ZFP64: variants seen among roughly 807,000 people sequenced by gnomAD.
ZFP64 encodes zinc finger protein 64.
In ZFP64, 14 loss-of-function variants were observed where a neutral mutation model predicts 51.6. The observed-to-expected ratio is 0.27, with a 90% confidence interval of 0.18 to 0.42. The LOEUF is 0.42. Ranked by LOEUF, ZFP64 falls within the 10% of genes least tolerant of loss-of-function variation. The pLI is 1.00. For synonymous variants in ZFP64, 375 were observed against 361.4 expected (o/e 1.04, Z -0.43); for missense variants, 754 against 906.8 (o/e 0.83, Z 2.16).
intron 5 of ZFP64, among the ~76,000 whole-genome samples, chr20:52,114,709 A>G (rs1045875015): frequency 2.0e-5 from 3 of 152,322 alleles, no homozygotes; most frequent in African/African-American, 7.2e-5. Flanking sequence ...ACGTTTTTAA[A>G]TATGTCCTGC....
chr20:52,094,837 C>T (rs184614903), intron 7 of ZFP64, among the ~76,000 whole-genome samples: 13 of 152,276 alleles, frequency 8.5e-5, no homozygotes, highest in Admixed American at 2.0e-4. Flanking sequence ...GTATTCCTAG[C>T]TTTCTGAGCT....
At chr20:52,104,299 C>A (rs1195633751) in intron 5 of ZFP64, among the ~76,000 whole-genome samples, 1 of 152,178 alleles carries the variant, frequency 6.6e-6, no homozygotes, top group African/African-American at 2.4e-5. Context: ...AGAAAAGGTC[C>A]CCTCCCGCAG....
At position 52,163,496 on chromosome 20, in the gene ZFP64, C is replaced by T. The variant is rs187207205; in HGVS notation, c.511+1199G>A. Among the ~76,000 whole-genome samples the T allele has an allele frequency of 2.6e-4, 39 of 152,274 alleles. 1 individual carries two copies. The highest frequency in any genetic ancestry group is 9.4e-4 in the African/African-American group (39 of 41,572). On this transcript the variant is annotated intron_variant, in intron 4 of 5. Coordinates refer to ENST00000216923, the MANE Select transcript of ZFP64 (RefSeq NM_018197.3). ...AGTTTAATTGCTTATTACACTAGAA[C>T]GCTTACCAATCAATACTTGAAACTT...
exon 9 of ZFP64, chr20:52,084,502 C>G: frequency 6.5e-7 from 1 of 1,529,064 alleles, no homozygotes; most frequent in Non-Finnish European, 8.8e-7. Flanking sequence ...CTCTGGAGGG[C>G]TGGGCAACAG....
rs144761017 is a variant in ZFP64 at position 52,160,552 on chromosome 20, T to A, written c.512-178A>T. The stretch of plus-strand genomic sequence containing the variant: ...AACATCTTGGGAGAGGGGAAGTTTC[T>A]TCCATGTTCCTTATTGGTATTACTT... On this transcript the variant is annotated intron_variant, in intron 4 of 5. Transcript: ENST00000216923. The surrounding 1 kb of genome is among the most constrained non-coding windows in gnomAD (Gnocchi z 4.2). Among the ~76,000 whole-genome samples, 474 of 152,332 alleles carry A rather than the reference T, an allele frequency of 3.1e-3. No homozygotes were observed. Among genetic ancestry groups the A allele is most frequent in the African/African-American group, 0.011 (444 of 41,568 alleles).
intron 5 of ZFP64, chr20:52,098,606 T>G: frequency 6.2e-7 from 1 of 1,613,902 alleles, no homozygotes; most frequent in Non-Finnish European, 8.5e-7. Context: ...GAGGCATAGT[T>G]TTGCTTAGTT....
In ZFP64 at chr20:52,190,143, C is replaced by G. The variant is rs1243386143; in HGVS notation, c.46+1448G>C. On this transcript the variant is annotated intron_variant, in intron 1 of 5. Transcript: ENST00000216923. ...GCCATCTTGCAGGGATACACTTAAG[C>G]ACTTTGCAATCAATGGATGGAAGGA... Among the ~76,000 whole-genome samples the G allele has an allele frequency of 7.9e-5, 12 of 152,276 alleles. No individual in the cohort carries two copies. The East Asian group carries it at 2.3e-3, about 29-fold the overall frequency.
intron 5 of ZFP64, chr20:52,110,729 C>A: frequency 6.3e-7 from 1 of 1,593,204 alleles, no homozygotes; most frequent in Non-Finnish European, 8.6e-7. Context: ...ACCTTAACTG[C>A]CCCAGTACAT....
intron 1 of ZFP64, 129 bp from the exon 2 acceptor site, chr20:52,187,200 C>T (rs950304635): frequency 1.2e-5 from 11 of 922,526 alleles, no homozygotes; most frequent in Non-Finnish European, 1.8e-5. Context: ...GTATCCACTC[C>T]ACCTTCCTCT....
rs1330852644 is a variant in ZFP64 at position 52,186,885 on chromosome 20, G to T, written c.233C>A (p.Thr78Asn). 2 of 1,613,634 alleles carry T rather than the reference G, an allele frequency of 1.2e-6. No individual in the cohort carries two copies. Among genetic ancestry groups the T allele is most frequent in the Admixed American group, 1.7e-5 (1 of 59,998 alleles). ...GGTTCTGGTGGTGGTCTGAGTCTGG[G>T]TGGCAGGCACTGTTTCCTCCGATAC... ...QFVSEETVPA[T>N]QTQTTTRTIT... Residue 78 changes from threonine to asparagine, a missense_variant, in exon 2 of 6, where the codon ACC becomes AAC. Thr to Asn is a moderately conservative substitution (Grantham distance 65). Around this residue, in one of 3 missense-constraint regions of ZFP64, gnomAD observed 231 missense variants for 336.7 expected, o/e 0.69. Transcript: ENST00000216923.
intron 5 of ZFP64, among the ~76,000 whole-genome samples, chr20:52,100,508 A>G (rs1219030008): frequency 1.3e-5 from 2 of 152,162 alleles, no homozygotes; most frequent in African/African-American, 4.8e-5. Flanking sequence ...AGCCTCCCAA[A>G]GTGCTGGGAC....
chr20:52,178,010 C>A (rs574692883), intron 2 of ZFP64, among the ~76,000 whole-genome samples: 4 of 145,838 alleles, frequency 2.7e-5, no homozygotes, highest in Admixed American at 2.1e-4. Flanking sequence ...CCAGCCTGGG[C>A]GCCAGAGCAA....
intron 5 of ZFP64, among the ~76,000 whole-genome samples, chr20:52,137,841 C>T (rs1395561205): frequency 2.6e-5 from 4 of 152,012 alleles, no homozygotes; most frequent in African/African-American, 9.7e-5. Context: ...TTACTTTTTA[C>T]ACAGCAGTAG....
In ZFP64 at chr20:52,085,163, G is replaced by A. The variant is rs376472510; in HGVS notation, c.1332C>T (p.Cys444=). The stretch of plus-strand genomic sequence containing the variant: ...TGGTGCAGCGGACGTCGCAGAACTC[G>A]CACTTGAAAGGCTTCTCCCCCGAGT... Residue 444 remains cysteine (C), a synonymous_variant, in exon 9 of 9, where the codon TGC becomes TGT. Coordinates refer to the ZFP64 transcript ENST00000361387. The surrounding 1 kb of genome is among the most constrained non-coding windows in gnomAD (Gnocchi z 4.3). 2.0e-4 allele frequency: 321 copies of A among 1,614,132 alleles called. 1 individual carries two copies. The highest frequency in any genetic ancestry group is 2.7e-4 in the Non-Finnish European group (315 of 1,180,058).
intron 4 of ZFP64, among the ~76,000 whole-genome samples, chr20:52,161,949 C>T (rs890594054): frequency 3.3e-5 from 5 of 152,182 alleles, no homozygotes; most frequent in African/African-American, 1.2e-4. Flanking sequence ...AAGCTGATCA[C>T]TGTCGTCATA....
At chr20:52,180,547 CAA>C (rs10669415) in intron 2 of ZFP64, among the ~76,000 whole-genome samples, 36 of 87,202 alleles carry the variant, frequency 4.1e-4, no homozygotes, top group Admixed American at 8.0e-4. Context: ...CCAGAAATGG[CAA>C]AAAAAAAAAA....
chr20:52,169,505 T>G (rs1348771685), intron 2 of ZFP64, among the ~76,000 whole-genome samples: 1 of 152,096 alleles, frequency 6.6e-6, no homozygotes, highest in Non-Finnish European at 1.5e-5. Flanking sequence ...GCTCGCGGGC[T>G]CCTCAGCACT....
chr20:52,158,180 AT>A (rs1981480624), intron 5 of ZFP64, among the ~76,000 whole-genome samples: 1 of 152,174 alleles, frequency 6.6e-6, no homozygotes, highest in South Asian at 2.1e-4. Flanking sequence ...TATGGTAATT[AT>A]TTTGGCTTTT....
chr20:52,136,240 C>T lies in ZFP64; in HGVS notation c.763+23883G>A, dbSNP rs183456982. 4.3e-3 allele frequency among the ~76,000 whole-genome samples: 647 copies of T among 151,788 alleles called. 5 individuals carry two copies. The highest frequency in any genetic ancestry group is 5.9e-3 in the Non-Finnish European group (401 of 67,986). On this transcript the variant is annotated intron_variant, in intron 5 of 8. Coordinates refer to the ZFP64 transcript ENST00000361387. ...TTTCCTAAAACTGATCACCTAAGAA[C>T]GCGCAGAGAAAGTGACCCATTATTA... is the stretch of plus-strand genomic sequence containing the variant.
Sources: gnomAD v4.1 joint callset for allele counts (sites outside exome capture counted in the v4.1 genomes callset) on GRCh38, gnomAD v4.1.1 for gene constraint, gnomAD v4.1.1 regional missense constraint, Gnocchi (gnomAD v3.1) non-coding constraint, MANE v1.5 for transcripts, NCBI Gene and HGNC (gene_info 2026-07-23, HGNC 2026-07-21) for gene names.